SORCS3: variants seen among roughly 807,000 people sequenced by gnomAD.
The protein encoded by SORCS3 is VPS10 domain-containing receptor SorCS3.
Under a neutral mutation model 146.3 loss-of-function variants are expected in SORCS3, and 57 were observed. The ratio of observed to expected loss-of-function variants is 0.39; its 90% confidence interval spans 0.31 to 0.49. SORCS3 has a LOEUF of 0.49. SORCS3 is among the 20% of genes least tolerant of loss of function. The probability of loss-of-function intolerance (pLI) is 0.92; values close to 1 mark genes in which losing one functional copy is unlikely to be tolerated. For synonymous variants in SORCS3, 653 were observed against 618.5 expected, an observed-to-expected ratio of 1.06 and a Z score of -0.83; for missense variants, 1,341 against 1,575.5, an observed-to-expected ratio of 0.85 and a Z score of 2.52.
At position 105,216,950 on chromosome 10, in the gene SORCS3, G is replaced by A. The variant is rs2056668605; in HGVS notation, c.2562G>A (p.Arg854=). 1 of 1,614,162 alleles carries A rather than the reference G, an allele frequency of 6.2e-7. No homozygotes were observed. The highest frequency in any genetic ancestry group is 1.1e-5 in the South Asian group (1 of 91,080). The part of the protein sequence containing the change: ...IILMEEGDLQ[R]TNIQLDFGDG... ...CCATCTTGCAGGGTGATCTACAAAG[G>A]ACAAACATCCAGCTTGACTTTGGGG... is the stretch of plus-strand genomic sequence containing the variant. Residue 854 remains arginine, a synonymous_variant, in exon 19 of 27, where the codon AGG becomes AGA. Coordinates refer to ENST00000369701, the MANE Select transcript of SORCS3 (RefSeq NM_014978.3).
chr10:104,853,698 G>C (rs536240046), intron 2 of SORCS3, among the ~76,000 whole-genome samples: 2 of 152,192 alleles, frequency 1.3e-5, no homozygotes, highest in Non-Finnish European at 2.9e-5. Flanking sequence ...CCTGTTGTTC[G>C]TATCTATGCA....
intron 3 of SORCS3, among the ~76,000 whole-genome samples, chr10:104,954,670 G>T (rs1227358666): frequency 6.6e-6 from 1 of 152,186 alleles, no homozygotes; most frequent in Non-Finnish European, 1.5e-5. Context: ...GCTGGAACTG[G>T]GCATCGCGGA....
chr10:105,226,757 GCTTT>G (rs1441166509), intron 20 of SORCS3, among the ~76,000 whole-genome samples: 6 of 151,486 alleles, frequency 4.0e-5, no homozygotes, highest in Non-Finnish European at 7.4e-5. Context: ...CTGTAATCAG[GCTTT>G]CTATTTCTTC....
chr10:104,660,958 A>G (rs2015693167), intron 1 of SORCS3, among the ~76,000 whole-genome samples: 1 of 152,208 alleles, frequency 6.6e-6, no homozygotes, highest in African/African-American at 2.4e-5. Flanking sequence ...CGGAGGGGCA[A>G]TTGGGGAGAG....
intron 1 of SORCS3, among the ~76,000 whole-genome samples, chr10:104,783,240 G>A (rs1376932514): frequency 6.6e-6 from 1 of 152,100 alleles, no homozygotes. Flanking sequence ...TTCCTCTCCT[G>A]TATTACTCTC....
chr10:105,095,891 C>A (rs1052829002), intron 6 of SORCS3, among the ~76,000 whole-genome samples: 2 of 152,126 alleles, frequency 1.3e-5, no homozygotes, highest in South Asian at 2.1e-4. Flanking sequence ...GGAACAGAAG[C>A]AAGATCTGCT....
At position 105,124,305 on chromosome 10, in the gene SORCS3, CG is replaced by C. The variant is rs563517384; in HGVS notation, c.1213-15091del. 2.2e-3 allele frequency among the ~76,000 whole-genome samples: 328 copies of C among 152,008 alleles called. 3 individuals are homozygous for C. Among genetic ancestry groups the C allele is most frequent in the African/African-American group, 7.8e-3 (323 of 41,454 alleles). On this transcript the variant is annotated intron_variant, in intron 7 of 26. Coordinates refer to ENST00000369701, the MANE Select transcript of SORCS3 (RefSeq NM_014978.3). ...AATGAAGATGTTTAAAGGATGGGCCCGATTACCCCTACTTTCCTGGGGTGGA... is the reference window on the plus strand; with the variant it reads ...AATGAAGATGTTTAAAGGATGGGCCCATTACCCCTACTTTCCTGGGGTGGA...
chr10:105,093,454 A>G (rs1181793576), intron 6 of SORCS3, among the ~76,000 whole-genome samples: 1 of 152,210 alleles, frequency 6.6e-6, no homozygotes, highest in Non-Finnish European at 1.5e-5. Flanking sequence ...TTGCTCTTCA[A>G]AAGATACTGT....
intron 1 of SORCS3, among the ~76,000 whole-genome samples, chr10:104,664,326 A>G (rs1256120426): frequency 6.6e-6 from 1 of 152,226 alleles, no homozygotes; most frequent in Non-Finnish European, 1.5e-5. Flanking sequence ...CCAGGAGGGC[A>G]GCAAAATGCC....
chr10:104,868,035 T>A (rs2018478926), intron 2 of SORCS3, among the ~76,000 whole-genome samples: 1 of 152,216 alleles, frequency 6.6e-6, no homozygotes, highest in Non-Finnish European at 1.5e-5. Context: ...CTCCCTGTGG[T>A]TCCTAGAAAC....
intron 1 of SORCS3, among the ~76,000 whole-genome samples, chr10:104,826,260 C>A (rs569384892): frequency 2.2e-4 from 33 of 152,322 alleles, no homozygotes; most frequent in Non-Finnish European, 4.0e-4. Flanking sequence ...TTAGCATGCT[C>A]ACCTTGGCCC....
At chr10:105,011,188 A>C (rs1231222655) in intron 4 of SORCS3, among the ~76,000 whole-genome samples, 1 of 152,152 alleles carries the variant, frequency 6.6e-6, no homozygotes, top group African/African-American at 2.4e-5. Flanking sequence ...TTACAACTTT[A>C]TTGAAAAATA....
rs186670850 is a variant in SORCS3, at chr10:104,842,788, G to T, written c.628-4G>T. ...CCTTTGCCCTTATCCCCAACCCCTT[G>T]CAGGTCATACTTATCCTGACGAAGC... On this transcript the variant is annotated splice_region_variant and splice_polypyrimidine_tract_variant and intron_variant, in intron 1 of 26. Transcript: ENST00000369701. 56 of 1,612,866 alleles carry T rather than the reference G, an allele frequency of 3.5e-5. No homozygotes were observed. In the East Asian group the frequency reaches 9.6e-4, roughly 28 times the overall value.
chr10:105,016,156 T>TATATATATATATATA (rs1554868994), intron 4 of SORCS3, among the ~76,000 whole-genome samples: 16 of 74,818 alleles, frequency 2.1e-4, no homozygotes, highest in African/African-American at 3.3e-4. Flanking sequence ...TATATATATA[T>TATATATATATATATA]TTTTTTTTTT....
chr10:104,754,491 A>G (rs1297060852), intron 1 of SORCS3, among the ~76,000 whole-genome samples: 3 of 152,158 alleles, frequency 2.0e-5, no homozygotes, highest in African/African-American at 7.2e-5. Context: ...GGTATGGCAG[A>G]TGTTAGACAC....
At chr10:104,696,362 C>A (rs1400357876) in intron 1 of SORCS3, among the ~76,000 whole-genome samples, 376 of 6,546 alleles carry the variant, frequency 0.057, 180 homozygotes, top group Middle Eastern at 0.083. Context: ...ATATATATAT[C>A]ATATATAGTA....
chr10:105,195,903 C>T (rs1052346868), intron 14 of SORCS3, among the ~76,000 whole-genome samples: 10 of 152,174 alleles, frequency 6.6e-5, no homozygotes, highest in Non-Finnish European at 1.3e-4. Flanking sequence ...GGAGAGGAAA[C>T]TAGCACACTC....
intron 19 of SORCS3, among the ~76,000 whole-genome samples, chr10:105,221,186 G>A (rs1264310992): frequency 6.6e-6 from 1 of 152,050 alleles, no homozygotes; most frequent in Non-Finnish European, 1.5e-5. Context: ...TAGAAACTAG[G>A]GCATCCATCC....
chr10:104,663,025 G>A (rs1188249676), intron 1 of SORCS3, among the ~76,000 whole-genome samples: 1 of 152,184 alleles, frequency 6.6e-6, no homozygotes, highest in South Asian at 2.1e-4. Flanking sequence ...ACTTGTTAGT[G>A]GAAGGAGCAG....
Sources: gnomAD v4.1 joint callset for allele counts (sites outside exome capture counted in the v4.1 genomes callset) on GRCh38, gnomAD v4.1.1 for gene constraint, MANE v1.5 for transcripts, NCBI Gene and HGNC (gene_info 2026-07-23, HGNC 2026-07-21) for gene names.